GAB2: variants seen among roughly 807,000 people sequenced by gnomAD.
GAB2 encodes GRB2-associated-binding protein 2.
Under a neutral mutation model 65.5 loss-of-function variants are expected in GAB2, and 26 were observed. The ratio of observed to expected loss-of-function variants is 0.40; its 90% confidence interval spans 0.29 to 0.55. The LOEUF (loss-of-function observed/expected upper bound fraction) is 0.55, where lower values mean the gene tolerates loss of function less well. Among genes scored for constraint, GAB2 ranks in the 20% least tolerant of loss-of-function variants. GAB2 has a pLI of 0.53. For synonymous variants in GAB2, 321 were observed against 329.6 expected, an observed-to-expected ratio of 0.97 and a Z score of 0.28; for missense variants, 884 against 875.8, an observed-to-expected ratio of 1.01 and a Z score of -0.12.
intron 1 of GAB2, among the ~76,000 whole-genome samples, chr11:78,297,620 C>A (rs1466064003): frequency 1.3e-5 from 2 of 151,948 alleles, no homozygotes; most frequent in Non-Finnish European, 2.9e-5. Flanking sequence ...ATGGGAGAAC[C>A]TGACAGGAGG....
intron 5 of GAB2, 93 bp from the exon 6 acceptor site, chr11:78,223,769 T>C: frequency 9.3e-7 from 1 of 1,071,288 alleles, no homozygotes; most frequent in Non-Finnish European, 1.4e-6. Context: ...AGACAAGTCA[T>C]GACTGGGTTA....
chr11:78,357,833 T>A (rs1268598738), intron 1 of GAB2, among the ~76,000 whole-genome samples: 1 of 152,186 alleles, frequency 6.6e-6, no homozygotes, highest in Non-Finnish European at 1.5e-5. Flanking sequence ...AGGAACACTT[T>A]TACACTGTTG....
intron 1 of GAB2, among the ~76,000 whole-genome samples, chr11:78,351,956 T>C (rs1048244476): frequency 1.3e-5 from 2 of 152,116 alleles, no homozygotes; most frequent in African/African-American, 4.8e-5. Context: ...CTCACACCTG[T>C]AATACCAGCA....
chr11:78,382,383 AT>A (rs565779767), intron 1 of GAB2, among the ~76,000 whole-genome samples: 1,613 of 142,654 alleles, frequency 0.011, 23 homozygotes, highest in African/African-American at 0.034. Flanking sequence ...TTTTATTATT[AT>A]TTTTTTTTTT....
At chr11:78,266,643 C>T (rs1209716207) in intron 2 of GAB2, among the ~76,000 whole-genome samples, 1 of 152,214 alleles carries the variant, frequency 6.6e-6, no homozygotes, top group African/African-American at 2.4e-5. Flanking sequence ...GAGCCAGGCA[C>T]GGTTCAGTTA....
chr11:78,312,449 G>A (rs143174993), intron 1 of GAB2, among the ~76,000 whole-genome samples: 1 of 152,048 alleles, frequency 6.6e-6, no homozygotes, highest in Non-Finnish European at 1.5e-5. Context: ...TTTTTGAGAC[G>A]GAGTCTCGCT....
chr11:78,389,214 T>A (rs1856803600), intron 1 of GAB2, among the ~76,000 whole-genome samples: 1 of 152,196 alleles, frequency 6.6e-6, no homozygotes, highest in Admixed American at 6.5e-5. Flanking sequence ...AAATGACATT[T>A]TACTTTGGGA....
At chr11:78,406,232 T>C (rs887511158) in intron 1 of GAB2, among the ~76,000 whole-genome samples, 5 of 152,122 alleles carry the variant, frequency 3.3e-5, no homozygotes, top group African/African-American at 1.2e-4. Context: ...GGAGGTGGAA[T>C]GAAAAACCTG....
At chr11:78,265,499 T>C (rs1865852813) in intron 2 of GAB2, among the ~76,000 whole-genome samples, 2 of 152,126 alleles carry the variant, frequency 1.3e-5, no homozygotes, top group African/African-American at 2.4e-5. Flanking sequence ...TGGCTGAGTG[T>C]TCTTGCTAAT....
At chr11:78,388,108 A>G (rs1856791699) in intron 1 of GAB2, 1 of 151,710 alleles carries the variant, frequency 6.6e-6, no homozygotes, top group Admixed American at 6.6e-5. Flanking sequence ...GCCCACTGCA[A>G]TCTGTTTCCT....
intron 8 of GAB2, among the ~76,000 whole-genome samples, chr11:78,220,809 C>T (rs1864386306): frequency 6.6e-6 from 1 of 152,234 alleles, no homozygotes; most frequent in Admixed American, 6.5e-5. Flanking sequence ...CAAGTCTCAT[C>T]AACAGTGGCT....
At chr11:78,241,470 A>T (rs1019312570) in intron 3 of GAB2, among the ~76,000 whole-genome samples, 1 of 152,234 alleles carries the variant, frequency 6.6e-6, no homozygotes, top group African/African-American at 2.4e-5. Flanking sequence ...GCCCAGTGAA[A>T]AGGAGATCAA....
intron 1 of GAB2, among the ~76,000 whole-genome samples, chr11:78,333,700 T>G (rs916933002): frequency 6.6e-6 from 1 of 152,228 alleles, no homozygotes; most frequent in Non-Finnish European, 1.5e-5. Flanking sequence ...ATGGGTGATC[T>G]AAAACTTTTT....
intron 2 of GAB2, among the ~76,000 whole-genome samples, chr11:78,271,393 G>A (rs1397487806): frequency 6.6e-6 from 1 of 152,222 alleles, no homozygotes; most frequent in Non-Finnish European, 1.5e-5. Flanking sequence ...ATGTGTTCCT[G>A]AAACTGCTTT....
chr11:78,298,263 G>A (rs1361910817), intron 1 of GAB2, among the ~76,000 whole-genome samples: 1 of 152,148 alleles, frequency 6.6e-6, no homozygotes, highest in African/African-American at 2.4e-5. Context: ...CCTTGATAAT[G>A]GACAGAATAT....
rs557198615 is a variant in GAB2, at chr11:78,300,702, T to G, written c.76-19801A>C. Among the ~76,000 whole-genome samples the G allele has an allele frequency of 3.1e-3, 436 of 142,838 alleles. 3 individuals carry two copies. The highest frequency in any genetic ancestry group is 8.5e-3 in the Admixed American group (124 of 14,540). 93.7% of individuals were successfully genotyped at this position (142,838 alleles called of 152,430 possible). A position where few individuals can be genotyped will look rare whatever the true frequency, so the allele number is the denominator to read the frequency against. On this transcript the variant is annotated intron_variant, in intron 1 of 9. Transcript: ENST00000361507. ...TTTTTTTGGTTTTTTTTTGTTTTTT[T>G]TTTTTTTTTTGAGACAGAGCCTCAC...
intron 2 of GAB2, among the ~76,000 whole-genome samples, chr11:78,274,393 C>T (rs1866108002): frequency 6.6e-6 from 1 of 152,150 alleles, no homozygotes; most frequent in African/African-American, 2.4e-5. Flanking sequence ...GGGACAGGGA[C>T]ACTGGATTGA....
chr11:78,321,098 G>A (rs546764756), intron 1 of GAB2, among the ~76,000 whole-genome samples: 1 of 152,266 alleles, frequency 6.6e-6, no homozygotes, highest in Admixed American at 6.5e-5. Context: ...CAAGGATTTG[G>A]TCTGAAAAGT....
rs529520146 is a variant in GAB2, at chr11:78,351,934, C to A, written c.75+65712G>T. On this transcript the variant is annotated intron_variant, in intron 1 of 9. Transcript: ENST00000361507. ...TCTAAAAAGAATTGGGGGGCCAGGT[C>A]GAGCGCAGTGGCTCACACCTGTAAT... 2.6e-3 allele frequency among the ~76,000 whole-genome samples: 397 copies of A among 152,192 alleles called. 6 individuals are homozygous for A. The highest frequency in any genetic ancestry group is 0.02 in the Middle Eastern group (6 of 294).
Sources: allele counts gnomAD v4.1 joint callset (sites outside exome capture counted in the v4.1 genomes callset), GRCh38; gene constraint gnomAD v4.1.1; transcripts MANE v1.5; gene names NCBI Gene and HGNC (gene_info 2026-07-23, HGNC 2026-07-21).